The following ABCA8 variants were observed in gnomAD, a reference collection of about 807,000 sequenced individuals.
The protein encoded by ABCA8 is ABC-type organic anion transporter ABCA8.
In ABCA8, 177 loss-of-function variants were observed where a neutral mutation model predicts 192.3. The ratio of observed to expected loss-of-function variants is 0.92; its 90% CI spans 0.81 to 1.04. The LOEUF is 1.04. Among genes scored for constraint, ABCA8 ranks in the 50% least tolerant of loss-of-function variants. The pLI, the probability that ABCA8 is intolerant of heterozygous loss-of-function variation, is 0.00. For synonymous variants in ABCA8, 642 were observed against 690.2 expected (o/e 0.93, Z 1.09); for missense variants, 1,915 against 1,904.8 (o/e 1.01, Z -0.10).
chr17:68,882,183 A>T lies in ABCA8; in HGVS notation c.3829-203T>A, dbSNP rs111360308. On this transcript the variant is annotated intron_variant, in intron 30 of 39. Transcript: ENST00000586539. ...GAGAGACTCATTTTCCTCTCCTACA[A>T]AGGCAGTTTTTTCAGGAGCACAGTA... Among the ~76,000 whole-genome samples the T allele has an allele frequency of 7.5e-3, 1,137 of 152,262 alleles. 16 individuals carry two copies. Among genetic ancestry groups the T allele is most frequent in the African/African-American group, 0.026 (1,083 of 41,554 alleles).
intron 2 of ABCA8, among the ~76,000 whole-genome samples, chr17:68,944,359 T>TATACAC (rs765731645): frequency 0.024 from 1,663 of 68,298 alleles, 66 homozygotes; most frequent in Non-Finnish European, 0.033. Flanking sequence ...TATATATATA[T>TATACAC]ACACATATAC....
chr17:68,900,880 C>CA (rs552713201), intron 21 of ABCA8, among the ~76,000 whole-genome samples: 81 of 151,354 alleles, frequency 5.4e-4, no homozygotes, highest in Admixed American at 8.5e-4. Flanking sequence ...AACCCTAAAA[C>CA]AAAAAAAAAC....
chr17:68,950,195 C>T (rs1171724302), intron 1 of ABCA8, among the ~76,000 whole-genome samples: 2 of 152,090 alleles, frequency 1.3e-5, no homozygotes, highest in African/African-American at 4.8e-5. Context: ...TAAGAAAGGA[C>T]ACAAACAAAT....
rs1451771857 is a variant in ABCA8, at chr17:68,867,460, C to G, written c.*625G>C. On this transcript the variant is annotated 3_prime_UTR_variant, in exon 40 of 40. Coordinates refer to ENST00000586539, the MANE Select transcript of ABCA8 (RefSeq NM_001288985.2). ...TTAAAAGTCCAGTGAAAATGGCACA[C>G]AGTTGGCTTACAGAAATAAAAAAGT... 3 of 152,166 alleles carry G rather than the reference C, an allele frequency of 2.0e-5. No homozygotes were observed. Among genetic ancestry groups the G allele is most frequent in the Non-Finnish European group, 4.4e-5 (3 of 68,018 alleles). The allele number at this position is 152,166 out of a possible 1,614,324, so 9.4% of individuals were successfully genotyped here.
intron 11 of ABCA8, among the ~76,000 whole-genome samples, chr17:68,924,411 A>G (rs1202314242): frequency 6.6e-6 from 1 of 152,058 alleles, no homozygotes; most frequent in African/African-American, 2.4e-5. Context: ...CCAGAAAGCA[A>G]TGAGGGTGAA....
chr17:68,919,321 G>T lies in ABCA8; in HGVS notation c.1768C>A (p.Pro590Thr). ...TGTACCTCTTTATCCACTTCTTGTG[G>T]CAGAATCCCTTTTATTTTAGCAAAG... ...RLFAKIKGIL[P>T]QEVDKEIQRV... The change falls in exon 14 of 40, where the codon CCA becomes ACA. Residue 590 changes from proline (P) to threonine (T), a missense_variant. Transcript: ENST00000586539. 1.2e-6 allele frequency: 2 copies of T among 1,611,710 alleles called. No individual in the cohort carries two copies. The highest frequency in any genetic ancestry group is 1.7e-6 in the Non-Finnish European group (2 of 1,178,880).
intron 32 of ABCA8, chr17:68,878,856 C>G (rs1056047884): frequency 6.6e-6 from 1 of 152,208 alleles, no homozygotes; most frequent in Admixed American, 6.5e-5. Context: ...TCTCTTCTTT[C>G]ATTAGTGGAG....
chr17:68,904,736 G>T, intron 19 of ABCA8, among the ~76,000 whole-genome samples: 1 of 152,104 alleles, frequency 6.6e-6, no homozygotes, highest in East Asian at 1.9e-4. Flanking sequence ...AGCAGTAGCT[G>T]GGGGCAGATA....
chr17:68,882,376 C>T (rs2066357168), intron 30 of ABCA8, among the ~76,000 whole-genome samples: 1 of 152,192 alleles, frequency 6.6e-6, no homozygotes, highest in Non-Finnish European at 1.5e-5. Context: ...AGCTCAGATT[C>T]TGAAATTCTT....
chr17:68,912,018 A>T (rs1051295137), intron 17 of ABCA8, among the ~76,000 whole-genome samples: 2 of 152,140 alleles, frequency 1.3e-5, no homozygotes, highest in Non-Finnish European at 2.9e-5. Flanking sequence ...GACTGTGAAG[A>T]CTACATTAAA....
chr17:68,867,501 T>G lies in ABCA8; in HGVS notation c.*584A>C, dbSNP rs896106780. ...ATAAAAAAGTACAATATATTTGAAATAGTAGGGTTTTTGTTTTCCATTTAT... is the reference window on the plus strand; with the variant it reads ...ATAAAAAAGTACAATATATTTGAAAGAGTAGGGTTTTTGTTTTCCATTTAT... On this transcript the variant is annotated 3_prime_UTR_variant, in exon 40 of 40. Transcript: ENST00000586539. 5.8e-4 allele frequency: 88 copies of G among 152,250 alleles called. No individual in the cohort carries two copies. Among genetic ancestry groups the G allele is most frequent in the African/African-American group, 2.0e-3 (82 of 41,562 alleles). 9.4% of individuals were successfully genotyped at this position (152,250 alleles called of 1,614,324 possible).
intron 37 of ABCA8, 76 bp from the exon 38 acceptor site, chr17:68,869,855 C>CTT: frequency 3.2e-6 from 3 of 938,628 alleles, no homozygotes; most frequent in African/African-American, 1.7e-5. Context: ...TCTCTCTGGT[C>CTT]TTTTTTTTTC....
intron 3 of ABCA8, among the ~76,000 whole-genome samples, chr17:68,941,356 T>G (rs956048921): frequency 6.6e-6 from 1 of 152,118 alleles, no homozygotes; most frequent in African/African-American, 2.4e-5. Flanking sequence ...AACTTTACGA[T>G]GTATGTATAG....
At chr17:68,900,590 T>C (rs1226722664) in intron 21 of ABCA8, among the ~76,000 whole-genome samples, 1 of 147,756 alleles carries the variant, frequency 6.8e-6, no homozygotes, top group East Asian at 1.9e-4. Context: ...CAACTTATTA[T>C]ATGCAGCAAG....
At chr17:68,896,355 A>C (rs935977726) in intron 21 of ABCA8, among the ~76,000 whole-genome samples, 4 of 152,246 alleles carry the variant, frequency 2.6e-5, no homozygotes, top group South Asian at 2.1e-4. Flanking sequence ...CCTACAAACA[A>C]GACCATATTT....
intron 37 of ABCA8, among the ~76,000 whole-genome samples, chr17:68,870,607 T>G (rs922442735): frequency 6.6e-6 from 1 of 152,242 alleles, no homozygotes; most frequent in Non-Finnish European, 1.5e-5. Flanking sequence ...GAGTTTGTCT[T>G]TATGTGACTG....
At chr17:68,869,844 A>T in intron 37 of ABCA8, 65 bp from the exon 38 acceptor site, 2 of 1,048,118 alleles carry the variant, frequency 1.9e-6, no homozygotes, top group Non-Finnish European at 2.9e-6. Flanking sequence ...GATGGCAATC[A>T]TCTCTCTGGT....
rs1472153277 is a variant in ABCA8, at chr17:68,867,502, A to T, written c.*583T>A. 6.6e-6 allele frequency: 1 copy of T among 152,210 alleles called. No individual in the cohort carries two copies. The highest frequency in any genetic ancestry group is 6.5e-5 in the Admixed American group (1 of 15,272). 9.4% of individuals were successfully genotyped at this position (152,210 alleles called of 1,614,324 possible). On this transcript the variant is annotated 3_prime_UTR_variant, in exon 40 of 40. Coordinates refer to ENST00000586539, the MANE Select transcript of ABCA8 (RefSeq NM_001288985.2). ...TAAAAAAGTACAATATATTTGAAAT[A>T]GTAGGGTTTTTGTTTTCCATTTATG...
chr17:68,917,848 C>T (rs973957679), intron 16 of ABCA8, among the ~76,000 whole-genome samples, 199 bp downstream of exon 16: 4 of 152,128 alleles, frequency 2.6e-5, no homozygotes, highest in African/African-American at 9.7e-5. Context: ...TTCTATGTGA[C>T]CAAATTATAC....
Sources: allele counts gnomAD v4.1 joint callset (sites outside exome capture counted in the v4.1 genomes callset), GRCh38; gene constraint gnomAD v4.1.1; transcripts MANE v1.5; gene names NCBI Gene and HGNC (gene_info 2026-07-23, HGNC 2026-07-21).